The following DNAJC11 variants were observed in gnomAD, a reference collection of about 807,000 sequenced individuals.
DNAJC11 encodes the protein DnaJ heat shock protein family (Hsp40) member C11, also known as dnaJ homolog subfamily C member 11.
Under a neutral mutation model 78.6 loss-of-function variants are expected in DNAJC11, and 15 were observed. The observed-to-expected ratio is 0.19, with a 90% CI of 0.13 to 0.29. DNAJC11 has a LOEUF of 0.29. DNAJC11 is among the 10% of genes least tolerant of loss of function. The probability of loss-of-function intolerance (pLI) is 1.00; values close to 1 mark genes in which losing one functional copy is unlikely to be tolerated. For synonymous variants in DNAJC11, 292 were observed against 272.1 expected, an observed-to-expected ratio of 1.07 and a Z score of -0.72; for missense variants, 547 against 709.6, an observed-to-expected ratio of 0.77 and a Z score of 2.60.
At chr1:6,637,591 C>T in intron 12 of DNAJC11, 87 bp from the exon 13 acceptor site, 1 of 1,452,830 alleles carries the variant, frequency 6.9e-7, no homozygotes, top group Non-Finnish European at 9.6e-7. Flanking sequence ...CAGTCTTGTC[C>T]ACGTCAACAT....
intron 10 of DNAJC11, among the ~76,000 whole-genome samples, chr1:6,644,019 C>T (rs774270798): frequency 2.0e-5 from 3 of 151,824 alleles, no homozygotes; most frequent in Non-Finnish European, 4.4e-5. Context: ...TACAGGCACC[C>T]GCCACCACCC....
Position 6,634,520 on chromosome 1 carries a change from G to T in DNAJC11, c.*1155C>A. ...GCGCAGCTTGGGGCCCCCCGCGCCAGCTGTCTCAGCCACCACCTGTGCGGC... is the reference window on the plus strand; with the variant it reads ...GCGCAGCTTGGGGCCCCCCGCGCCATCTGTCTCAGCCACCACCTGTGCGGC... On this transcript the variant is annotated 3_prime_UTR_variant, in exon 16 of 16. Coordinates refer to ENST00000377577, the MANE Select transcript of DNAJC11 (RefSeq NM_018198.4). 1 of 1,358,590 alleles carries T rather than the reference G, an allele frequency of 7.4e-7. No homozygotes were observed. The highest frequency in any genetic ancestry group is 1.9e-5 in the Admixed American group (1 of 51,592). The allele number at this position is 1,358,590 out of a possible 1,614,324, so 84.2% of individuals were successfully genotyped here. A position where few individuals can be genotyped will look rare whatever the true frequency, so the allele number is the denominator to read the frequency against.
intron 1 of DNAJC11, among the ~76,000 whole-genome samples, chr1:6,697,809 A>ATTT (rs60554870): frequency 1.3e-5 from 2 of 148,522 alleles, no homozygotes; most frequent in Admixed American, 6.7e-5. Context: ...TATGCTTATA[A>ATTT]TTTTTTTTTT....
intron 10 of DNAJC11, among the ~76,000 whole-genome samples, chr1:6,643,801 C>T (rs945812948): frequency 8.5e-5 from 13 of 152,162 alleles, no homozygotes; most frequent in African/African-American, 9.7e-5. Context: ...GGAGCTCAGA[C>T]GTACACCTCA....
Position 6,653,039 on chromosome 1 carries a change from G to A in DNAJC11, c.508-88C>T, listed in dbSNP as rs1057443947. On this transcript the variant is annotated intron_variant, in intron 5 of 15. Coordinates refer to ENST00000377577, the MANE Select transcript of DNAJC11 (RefSeq NM_018198.4). The surrounding 1 kb of genome is among the most constrained non-coding windows in gnomAD (Gnocchi z 4.5). ...CCTAAAGAACGCACTGTGAGCCCAA[G>A]GCCAAAGGTGCAGACGATTCCTCTG... 1.3e-6 allele frequency: 2 copies of A among 1,514,686 alleles called. No homozygotes were observed. The allele number at this position is 1,514,686 out of a possible 1,614,324, so 93.8% of individuals were successfully genotyped here. A position where few individuals can be genotyped will look rare whatever the true frequency, so the allele number is the denominator to read the frequency against.
intron 7 of DNAJC11, among the ~76,000 whole-genome samples, chr1:6,649,196 T>C (rs1642015134): frequency 6.6e-6 from 1 of 151,842 alleles, no homozygotes; most frequent in African/African-American, 2.4e-5. Flanking sequence ...TTTTTTTTTT[T>C]TGAGACAGAG....
chr1:6,637,546 C>T (rs915766785), intron 12 of DNAJC11, 42 bp from the exon 13 acceptor site: 1 of 1,609,852 alleles, frequency 6.2e-7, no homozygotes, highest in African/African-American at 1.3e-5. Context: ...CCCTGCCAGG[C>T]CTGTTCCACC....
intron 2 of DNAJC11, among the ~76,000 whole-genome samples, chr1:6,679,920 TAC>T (rs1238274633): frequency 6.6e-6 from 1 of 152,228 alleles, no homozygotes; most frequent in Non-Finnish European, 1.5e-5. Flanking sequence ...ATGATCTGAA[TAC>T]AGTTAAATTT....
At chr1:6,666,385 C>CT (rs767579276) in intron 4 of DNAJC11, among the ~76,000 whole-genome samples, 6,968 of 120,342 alleles carry the variant, frequency 0.058, 720 homozygotes, top group African/African-American at 0.19. Context: ...TCTTTCTTTT[C>CT]TTTTTTTTTT....
rs1364550830 is a variant in DNAJC11 at position 6,701,759 on chromosome 1, G to A, written c.42C>T (p.Asp14=). Residue 14 remains aspartate (D), a synonymous_variant, in exon 1 of 16, where the codon GAC becomes GAT. Transcript: ENST00000377577. ...TGCGCACGTTCAGCAACGAGTAATA[G>A]TCTTCATTGTCCAGCTCCTCCTCGC... ...ALSEEELDNE[D]YYSLLNVRRE... 3 of 1,567,704 alleles carry A rather than the reference G, an allele frequency of 1.9e-6. No homozygotes were observed. Among genetic ancestry groups the A allele is most frequent in the South Asian group, 1.2e-5 (1 of 85,320 alleles).
At chr1:6,675,569 C>T (rs1194740861) in intron 3 of DNAJC11, among the ~76,000 whole-genome samples, 1 of 152,112 alleles carries the variant, frequency 6.6e-6, no homozygotes, top group East Asian at 1.9e-4. Context: ...GCACTCACCA[C>T]CATGCCTGGT....
chr1:6,672,173 G>A (rs563986072), intron 3 of DNAJC11, among the ~76,000 whole-genome samples: 2 of 152,272 alleles, frequency 1.3e-5, no homozygotes, highest in Non-Finnish European at 2.9e-5. Flanking sequence ...TATTCAACAG[G>A]ATATTAGTTT....
chr1:6,655,025 T>C (rs1331855702), intron 4 of DNAJC11, among the ~76,000 whole-genome samples: 1 of 152,124 alleles, frequency 6.6e-6, no homozygotes, highest in Non-Finnish European at 1.5e-5. Context: ...TCTCGATCTC[T>C]TGACCTCATG....
chr1:6,642,594 C>T (rs1281640319), intron 10 of DNAJC11, among the ~76,000 whole-genome samples: 1 of 152,098 alleles, frequency 6.6e-6, no homozygotes, highest in Non-Finnish European at 1.5e-5. Flanking sequence ...AATCCTAACA[C>T]TTTAGGAGGC....
At chr1:6,648,806 G>C (rs1441469828) in intron 7 of DNAJC11, among the ~76,000 whole-genome samples, 1 of 152,126 alleles carries the variant, frequency 6.6e-6, no homozygotes, top group African/African-American at 2.4e-5. Context: ...AAGTAGACAG[G>C]GTCAGGACAA....
intron 10 of DNAJC11, among the ~76,000 whole-genome samples, chr1:6,644,126 G>T (rs913757296): frequency 1.3e-5 from 2 of 151,446 alleles, no homozygotes; most frequent in Non-Finnish European, 2.9e-5. Context: ...GCACCTGGCT[G>T]AATTTTTTTT....
intron 4 of DNAJC11, among the ~76,000 whole-genome samples, chr1:6,663,279 T>C (rs978041874): frequency 6.6e-6 from 1 of 152,076 alleles, no homozygotes; most frequent in East Asian, 1.9e-4. Flanking sequence ...GCAGAGACAG[T>C]CAAACTCCTT....
chr1:6,689,738 T>C (rs895426645), intron 1 of DNAJC11, among the ~76,000 whole-genome samples: 1 of 151,058 alleles, frequency 6.6e-6, no homozygotes, highest in Admixed American at 6.6e-5. Context: ...ATTGCACCAT[T>C]GTACTCCAGC....
At chr1:6,664,044 G>A (rs1445563232) in intron 4 of DNAJC11, among the ~76,000 whole-genome samples, 8 of 152,134 alleles carry the variant, frequency 5.3e-5, no homozygotes, top group African/African-American at 1.2e-4. Flanking sequence ...GTGCATGCAC[G>A]TGTTTCATCA....
Sources: gnomAD v4.1 joint callset for allele counts (sites outside exome capture counted in the v4.1 genomes callset) on GRCh38, gnomAD v4.1.1 for gene constraint, Gnocchi (gnomAD v3.1) non-coding constraint, MANE v1.5 for transcripts, NCBI Gene and HGNC (gene_info 2026-07-23, HGNC 2026-07-21) for gene names.